HAPLN1: variants seen among roughly 807,000 people sequenced by gnomAD.
The protein encoded by HAPLN1 is Cartilage link protein.
In HAPLN1, 13 loss-of-function variants were observed where a neutral mutation model predicts 36.5. The ratio of observed to expected loss-of-function variants is 0.36; its 90% CI spans 0.23 to 0.57. HAPLN1 has a LOEUF of 0.57. Ranked by LOEUF, HAPLN1 falls within the 20% of genes least tolerant of loss-of-function variation. The pLI, the probability that HAPLN1 is intolerant of heterozygous loss-of-function variation, is 0.83. For missense variants in HAPLN1, 407 were observed against 439.7 expected, an observed-to-expected ratio of 0.93 and a Z score of 0.66; for synonymous variants, 202 against 169.8, an observed-to-expected ratio of 1.19 and a Z score of -1.48.
rs765618830 is a variant in HAPLN1, at chr5:83,652,670, A to G, written c.255T>C (p.Thr85=). 1.2e-6 allele frequency: 2 copies of G among 1,614,114 alleles called. No homozygotes were observed. Among genetic ancestry groups the G allele is most frequent in the Non-Finnish European group, 1.7e-6 (2 of 1,179,994 alleles). Residue 85 remains threonine (T), a synonymous_variant, in exon 3 of 5, where the codon ACT becomes ACC. Transcript: ENST00000274341. ...HKIRIKWTKL[T]SDYLKEVDVF... Reference sequence around the variant, plus strand: ...CATCCACTTCCTTGAGGTAATCCGAAGTTAGCTTGGTCCACTTAATTCGGA... The same window carrying G: ...CATCCACTTCCTTGAGGTAATCCGAGGTTAGCTTGGTCCACTTAATTCGGA...
At chr5:83,656,414 A>G (rs556592540) in intron 2 of HAPLN1, among the ~76,000 whole-genome samples, 4 of 148,702 alleles carry the variant, frequency 2.7e-5, no homozygotes, top group South Asian at 2.1e-4. Flanking sequence ...ATAAACCTTG[A>G]TCATTAGAAT....
Position 83,641,597 on chromosome 5 carries a change from T to C in HAPLN1, c.964A>G (p.Arg322Gly). Reference protein sequence around the residue: ...GSVRYPISRPRRRCSPTEAAV... With the variant: ...GSVRYPISRPGRRCSPTEAAV... Reference sequence around the variant, plus strand: ...GCCTCAGTAGGACTGCAGCGCCTTCTTGGCCTAGAGATGGGGTAGCGGACG... The same window carrying C: ...GCCTCAGTAGGACTGCAGCGCCTTCCTGGCCTAGAGATGGGGTAGCGGACG... The change falls in exon 5 of 5, where the codon AGA becomes GGA. Residue 322 changes from arginine to glycine, a missense_variant. Transcript: ENST00000274341. 1.9e-6 allele frequency: 3 copies of C among 1,614,200 alleles called. No individual in the cohort carries two copies. Among genetic ancestry groups the C allele is most frequent in the Non-Finnish European group, 2.5e-6 (3 of 1,180,042 alleles).
chr5:83,680,192 A>T (rs1230458558), intron 1 of HAPLN1, among the ~76,000 whole-genome samples: 1 of 152,076 alleles, frequency 6.6e-6, no homozygotes, highest in African/African-American at 2.4e-5. Flanking sequence ...AATGCTTGAG[A>T]TGGGGGTTAG....
chr5:83,708,813 G>A (rs1167330536), intron 1 of HAPLN1, among the ~76,000 whole-genome samples: 1 of 151,742 alleles, frequency 6.6e-6, no homozygotes, highest in Non-Finnish European at 1.5e-5. Flanking sequence ...ACAGCAGGAG[G>A]AGTATGAAAA....
At chr5:83,666,785 T>A (rs1225265585) in intron 2 of HAPLN1, among the ~76,000 whole-genome samples, 1 of 152,164 alleles carries the variant, frequency 6.6e-6, no homozygotes, top group Non-Finnish European at 1.5e-5. Flanking sequence ...GCTTGCTTGT[T>A]GCCTTGATAA....
chr5:83,718,355 TAAG>T (rs1174305409), intron 1 of HAPLN1, among the ~76,000 whole-genome samples: 1 of 152,186 alleles, frequency 6.6e-6, no homozygotes. Flanking sequence ...CAGAGTATTT[TAAG>T]AAGCCGGTGA....
At chr5:83,672,377 A>G (rs890981449) in intron 2 of HAPLN1, among the ~76,000 whole-genome samples, 1 of 152,228 alleles carries the variant, frequency 6.6e-6, no homozygotes, top group Non-Finnish European at 1.5e-5. Context: ...CTTGCAGAGT[A>G]AAATGTATGA....
intron 1 of HAPLN1, among the ~76,000 whole-genome samples, chr5:83,701,299 G>A (rs2112629387): frequency 6.6e-6 from 1 of 152,316 alleles, no homozygotes; most frequent in Admixed American, 6.5e-5. Context: ...AGGCAAAACT[G>A]GACCAAGTGG....
chr5:83,694,819 C>T (rs937875676), intron 1 of HAPLN1, among the ~76,000 whole-genome samples: 1 of 151,990 alleles, frequency 6.6e-6, no homozygotes, highest in Non-Finnish European at 1.5e-5. Flanking sequence ...GGTGACTTCA[C>T]GGAATTTCAC....
At chr5:83,696,314 G>C (rs1751388080) in intron 1 of HAPLN1, among the ~76,000 whole-genome samples, 1 of 152,106 alleles carries the variant, frequency 6.6e-6, no homozygotes, top group African/African-American at 2.4e-5. Context: ...ATATTATTAA[G>C]AGATTCAGTC....
chr5:83,644,798 T>A (rs189965168), intron 3 of HAPLN1, 133 bp from the exon 4 acceptor site: 4 of 507,642 alleles, frequency 7.9e-6, no homozygotes, highest in Non-Finnish European at 1.3e-5. Context: ...AACTAGCAAC[T>A]GTTTCTCATG....
intron 1 of HAPLN1, among the ~76,000 whole-genome samples, chr5:83,717,376 C>T (rs1751939336): frequency 6.6e-6 from 1 of 152,164 alleles, no homozygotes; most frequent in African/African-American, 2.4e-5. Flanking sequence ...CCCTGCCATA[C>T]AAAAACCAAA....
chr5:83,661,457 T>TTG (rs1750386751), intron 2 of HAPLN1, among the ~76,000 whole-genome samples: 1 of 142,432 alleles, frequency 7.0e-6, no homozygotes, highest in Non-Finnish European at 1.5e-5. Flanking sequence ...TTTTTTTTTT[T>TTG]TTTTTGAGAC....
intron 1 of HAPLN1, among the ~76,000 whole-genome samples, chr5:83,718,170 G>A (rs1424429721): frequency 6.6e-6 from 1 of 152,160 alleles, no homozygotes. Flanking sequence ...TAATGGTAAA[G>A]TATCCAACAA....
intron 1 of HAPLN1, among the ~76,000 whole-genome samples, chr5:83,688,480 C>T (rs1055509961): frequency 6.6e-6 from 1 of 152,088 alleles, no homozygotes; most frequent in African/African-American, 2.4e-5. Flanking sequence ...CATTCTCAGT[C>T]GTAAAATGAA....
chr5:83,680,684 C>T (rs1236256983), intron 1 of HAPLN1, among the ~76,000 whole-genome samples: 1 of 152,106 alleles, frequency 6.6e-6, no homozygotes. Flanking sequence ...CTTTGGAAAA[C>T]TGATCCTATT....
chr5:83,662,201 C>A (rs1750422124), intron 2 of HAPLN1, among the ~76,000 whole-genome samples: 2 of 152,202 alleles, frequency 1.3e-5, no homozygotes, highest in East Asian at 1.9e-4. Context: ...CCATGCCCAG[C>A]TGGTTAACCA....
At position 83,640,471 on chromosome 5, in the gene HAPLN1, T is replaced by A. The variant is rs898709732; in HGVS notation, c.*1025A>T. 3 of 152,160 alleles carry A rather than the reference T, an allele frequency of 2.0e-5. No homozygotes were observed. Among genetic ancestry groups the A allele is most frequent in the African/African-American group, 7.2e-5 (3 of 41,446 alleles). The allele number at this position is 152,160 out of a possible 1,614,324, so 9.4% of individuals were successfully genotyped here. ...CTCGTGTATATACAAATAGGAATAA[T>A]AAGAATTTTGAAAGTTGCATCTTTG... On this transcript the variant is annotated 3_prime_UTR_variant, in exon 5 of 5. Coordinates refer to ENST00000274341, the MANE Select transcript of HAPLN1 (RefSeq NM_001884.4).
intron 2 of HAPLN1, among the ~76,000 whole-genome samples, chr5:83,663,283 C>T (rs562312421): frequency 6.6e-6 from 1 of 152,254 alleles, no homozygotes; most frequent in African/African-American, 2.4e-5. Context: ...TCTCTTATGT[C>T]CAAATGCTTG....
Sources: allele counts gnomAD v4.1 joint callset (sites outside exome capture counted in the v4.1 genomes callset), GRCh38; gene constraint gnomAD v4.1.1; transcripts MANE v1.5; gene names NCBI Gene and HGNC (gene_info 2026-07-23, HGNC 2026-07-21).